Variants in SPATA13 observed in about 807,000 individuals in gnomAD.
The protein encoded by SPATA13 is spermatogenesis-associated protein 13.
Under a neutral mutation model 104.0 loss-of-function variants are expected in SPATA13, and 50 were observed. That is an observed-to-expected ratio of 0.48 (90% confidence interval 0.38 to 0.61). The LOEUF is 0.61. SPATA13 is among the 20% of genes least tolerant of loss of function. The pLI is 0.00. For missense variants in SPATA13, 1,524 were observed against 1,690.6 expected (o/e 0.90, Z 1.73); for synonymous variants, 606 against 667.5 (o/e 0.91, Z 1.42).
rs1373050530 is a variant in SPATA13, at chr13:24,303,741, A to G, written c.*968A>G. 1 of 152,396 alleles carries G rather than the reference A, an allele frequency of 6.6e-6. No individual in the cohort carries two copies. The highest frequency in any genetic ancestry group is 2.4e-5 in the African/African-American group (1 of 41,438). 9.4% of individuals were successfully genotyped at this position (152,396 alleles called of 1,614,324 possible). A position where few individuals can be genotyped will look rare whatever the true frequency, so the allele number is the denominator to read the frequency against. On this transcript the variant is annotated 3_prime_UTR_variant, in exon 13 of 13. Coordinates refer to ENST00000382108, the MANE Select transcript of SPATA13 (RefSeq NM_001166271.3). The stretch of plus-strand genomic sequence containing the variant: ...GCCAATATGGCAAAGCCCAGTCTCT[A>G]CTAATAATACAAAAATTAGCTGGGC...
chr13:24,275,786 T>C (rs1874934689), intron 4 of SPATA13, among the ~76,000 whole-genome samples: 1 of 152,220 alleles, frequency 6.6e-6, no homozygotes, highest in Non-Finnish European at 1.5e-5. Context: ...ATACAAAAAT[T>C]AGCTGGATGT....
chr13:24,153,502 C>A (rs886238825), intron 3 of SPATA13, among the ~76,000 whole-genome samples: 1 of 152,192 alleles, frequency 6.6e-6, no homozygotes, highest in Non-Finnish European at 1.5e-5. Flanking sequence ...TAGGACTCAG[C>A]ATGTGTAAAG....
At chr13:24,138,298 T>G (rs1881638063) in intron 3 of SPATA13, among the ~76,000 whole-genome samples, 1 of 107,694 alleles carries the variant, frequency 9.3e-6, no homozygotes, top group African/African-American at 3.8e-5. Flanking sequence ...AGAGCAAGAC[T>G]CCGTCTGAAA....
intron 1 of SPATA13, among the ~76,000 whole-genome samples, chr13:24,203,147 C>G (rs1474743384): frequency 6.6e-6 from 1 of 151,766 alleles, no homozygotes; most frequent in Non-Finnish European, 1.5e-5. Context: ...TCCCTCCCCA[C>G]AGGCCCCAGT....
chr13:23,983,754 G>T, exon 2 of SPATA13: 1 of 285,488 alleles, frequency 3.5e-6, no homozygotes, highest in Non-Finnish European at 5.3e-6. Flanking sequence ...GTCAAGCTCT[G>T]ACAAGGGAAG....
At chr13:24,004,058 G>A (rs1876106542) in intron 2 of SPATA13, among the ~76,000 whole-genome samples, 1 of 152,116 alleles carries the variant, frequency 6.6e-6, no homozygotes, top group Admixed American at 6.5e-5. Flanking sequence ...AGTTCCTGGT[G>A]GGCACTCCTG....
At chr13:24,015,865 G>T (rs1876688679) in intron 2 of SPATA13, among the ~76,000 whole-genome samples, 1 of 152,158 alleles carries the variant, frequency 6.6e-6, no homozygotes, top group Non-Finnish European at 1.5e-5. Flanking sequence ...AAATGAAGTT[G>T]TTGGTTCTTA....
intron 4 of SPATA13, among the ~76,000 whole-genome samples, chr13:24,279,653 G>A (rs1247014871): frequency 2.0e-5 from 3 of 152,186 alleles, no homozygotes; most frequent in Admixed American, 1.3e-4. Context: ...TGTGAGAGGT[G>A]GAAGAATAAC....
At chr13:24,033,330 A>G (rs1315435762) in intron 3 of SPATA13, among the ~76,000 whole-genome samples, 2 of 152,168 alleles carry the variant, frequency 1.3e-5, no homozygotes, top group African/African-American at 4.8e-5. Flanking sequence ...GCTCCTTTCT[A>G]TTTGTTTCTG....
rs1385967960 is a variant in SPATA13 at position 24,224,131 on chromosome 13, C to A, written c.1202C>A (p.Pro401His). The A allele has an allele frequency of 6.4e-7, 1 of 1,551,706 alleles. No homozygotes were observed. Among genetic ancestry groups the A allele is most frequent in the South Asian group, 1.2e-5 (1 of 84,060 alleles). The stretch of plus-strand genomic sequence containing the variant: ...TTCGGCTCAGCCACCTCTAAGGGGC[C>A]CCACCTAGACGCTGACACTGCCGTA... ...PGFGSATSKG[P>H]HLDADTAVFP... Residue 401 changes from proline (P) to histidine (H), a missense_variant, in exon 2 of 13, where the codon CCC becomes CAC. By Grantham distance (77) the Pro-to-His change is moderately conservative (BLOSUM62 -2). This residue lies in a region of SPATA13 where 1,089 missense variants were observed against 1,135.9 expected (regional missense o/e 0.96). Coordinates refer to ENST00000382108, the MANE Select transcript of SPATA13 (RefSeq NM_001166271.3).
At chr13:24,184,755 G>A (rs1455917724) in intron 1 of SPATA13, among the ~76,000 whole-genome samples, 1 of 152,074 alleles carries the variant, frequency 6.6e-6, no homozygotes, top group Non-Finnish European at 1.5e-5. Context: ...TGTCCACCAT[G>A]GTATGACCTC....
chr13:24,277,986 G>T (rs548841613), intron 4 of SPATA13, among the ~76,000 whole-genome samples: 4 of 152,110 alleles, frequency 2.6e-5, no homozygotes, highest in African/African-American at 9.7e-5. Context: ...CTTTAAAATC[G>T]TGAAAGTAGT....
intron 3 of SPATA13, among the ~76,000 whole-genome samples, chr13:24,023,875 A>T (rs1877088274): frequency 6.6e-6 from 1 of 152,184 alleles, no homozygotes; most frequent in Non-Finnish European, 1.5e-5. Context: ...GCAGTGTGAG[A>T]CGGTGATCTG....
intron 3 of SPATA13, among the ~76,000 whole-genome samples, chr13:24,094,724 A>G (rs1354453578): frequency 2.0e-5 from 3 of 152,156 alleles, no homozygotes; most frequent in Non-Finnish European, 4.4e-5. Flanking sequence ...ATACCCTGCA[A>G]ATAGCCACTG....
intron 4 of SPATA13, among the ~76,000 whole-genome samples, chr13:24,256,957 AT>A (rs1873820398): frequency 6.6e-6 from 1 of 152,164 alleles, no homozygotes; most frequent in Non-Finnish European, 1.5e-5. Flanking sequence ...TTCCTGGGGA[AT>A]TATCTTTGCC....
intron 3 of SPATA13, among the ~76,000 whole-genome samples, chr13:24,057,491 C>T (rs184110681): frequency 5.7e-4 from 87 of 152,274 alleles, no homozygotes; most frequent in Non-Finnish European, 8.8e-4. Context: ...GTGACTGCAT[C>T]CATATGGGAC....
intron 2 of SPATA13, among the ~76,000 whole-genome samples, chr13:24,245,803 G>A (rs1161594786): frequency 6.6e-6 from 1 of 151,622 alleles, no homozygotes; most frequent in Admixed American, 6.6e-5. Context: ...TGCCCACGCT[G>A]GTCTTGAATT....
chr13:24,248,835 A>G (rs1190663122), intron 2 of SPATA13, among the ~76,000 whole-genome samples: 1 of 151,778 alleles, frequency 6.6e-6, no homozygotes, highest in South Asian at 2.1e-4. Context: ...GGGGACACCT[A>G]TGATAGTTAT....
chr13:24,097,957 A>G (rs917553481), intron 3 of SPATA13, among the ~76,000 whole-genome samples: 1 of 152,226 alleles, frequency 6.6e-6, no homozygotes, highest in African/African-American at 2.4e-5. Context: ...GTGGTTTTGA[A>G]TACTACATGA....
Sources: gnomAD v4.1 joint callset for allele counts (sites outside exome capture counted in the v4.1 genomes callset) on GRCh38, gnomAD v4.1.1 for gene constraint, gnomAD v4.1.1 regional missense constraint, MANE v1.5 for transcripts, NCBI Gene and HGNC (gene_info 2026-07-23, HGNC 2026-07-21) for gene names.